Variants in ACTL8 observed in about 807,000 individuals in gnomAD.
The protein encoded by ACTL8 is actin-like protein 8.
In ACTL8, 3 loss-of-function variants were observed where a neutral mutation model predicts 9.3. The ratio of observed to expected loss-of-function variants is 0.32; its 90% CI spans 0.15 to 0.83. The LOEUF is 0.83. Among genes scored for constraint, ACTL8 ranks in the 40% least tolerant of loss-of-function variants. The pLI, the probability that ACTL8 is intolerant of heterozygous loss-of-function variation, is 0.57. For missense variants in ACTL8, 381 were observed against 492.2 expected (o/e 0.77, Z 2.14); for synonymous variants, 224 against 205.9 (o/e 1.09, Z -0.75).
intron 1 of ACTL8, among the ~76,000 whole-genome samples, chr1:17,765,116 G>A (rs962186084): frequency 6.6e-5 from 10 of 152,182 alleles, no homozygotes; most frequent in Non-Finnish European, 1.0e-4. Flanking sequence ...GGTGCTGGAC[G>A]CTTCCTTCTT....
At chr1:17,778,881 G>T (rs2066134098) in intron 1 of ACTL8, among the ~76,000 whole-genome samples, 1 of 152,146 alleles carries the variant, frequency 6.6e-6, no homozygotes, top group Non-Finnish European at 1.5e-5. Flanking sequence ...GCGATGAGTT[G>T]AAGAAGAGAT....
At chr1:17,818,349 A>C (rs575587014) in intron 1 of ACTL8, among the ~76,000 whole-genome samples, 1 of 152,072 alleles carries the variant, frequency 6.6e-6, no homozygotes, top group Non-Finnish European at 1.5e-5. Flanking sequence ...ACCTCCTGTA[A>C]TCTTTCTTCT....
In ACTL8 at chr1:17,757,711, C is replaced by T. The variant is rs142207036; in HGVS notation, c.-25+2207C>T. Among the ~76,000 whole-genome samples, 5 of 152,210 alleles carry T rather than the reference C, an allele frequency of 3.3e-5. No homozygotes were observed. The East Asian group carries it at 9.6e-4, about 29-fold the overall frequency. ...GACCTAGGAGGAAACAGAAAAAGAACGACAAGACTGGTGACATGTATGGGA... is the reference window on the plus strand; with the variant it reads ...GACCTAGGAGGAAACAGAAAAAGAATGACAAGACTGGTGACATGTATGGGA... On this transcript the variant is annotated intron_variant, in intron 1 of 2. Transcript: ENST00000375406.
chr1:17,804,384 C>A (rs1421771070), intron 1 of ACTL8, among the ~76,000 whole-genome samples: 3 of 152,144 alleles, frequency 2.0e-5, no homozygotes, highest in Admixed American at 6.5e-5. Context: ...CCTCCCTGAA[C>A]CTTCACTTTG....
Position 17,826,574 on chromosome 1 carries a change from A to G in ACTL8, c.*55A>G. On this transcript the variant is annotated 3_prime_UTR_variant, in exon 3 of 3. Coordinates refer to ENST00000375406, the MANE Select transcript of ACTL8 (RefSeq NM_030812.3). The surrounding 1 kb of genome is among the most constrained non-coding windows in gnomAD (Gnocchi z 4.5). Reference sequence around the variant, plus strand: ...CCTGTTAGATGGGCACGGGCGGATTAATTTTAGCAAAATGTTCTGGGTGGG... The same window carrying G: ...CCTGTTAGATGGGCACGGGCGGATTGATTTTAGCAAAATGTTCTGGGTGGG... The G allele has an allele frequency of 6.9e-7, 1 of 1,458,090 alleles. No homozygotes were observed. The highest frequency in any genetic ancestry group is 9.1e-7 in the Non-Finnish European group (1 of 1,098,488). The allele number at this position is 1,458,090 out of a possible 1,614,324, so 90.3% of individuals were successfully genotyped here.
intron 1 of ACTL8, among the ~76,000 whole-genome samples, chr1:17,794,092 A>G (rs1277331351): frequency 6.6e-6 from 1 of 152,154 alleles, no homozygotes; most frequent in Non-Finnish European, 1.5e-5. Flanking sequence ...GACGCCTCAC[A>G]ATCACCCTGT....
At chr1:17,797,680 G>A (rs1458392249) in intron 1 of ACTL8, among the ~76,000 whole-genome samples, 1 of 152,206 alleles carries the variant, frequency 6.6e-6, no homozygotes, top group East Asian at 1.9e-4. Context: ...ACAGGCCTGG[G>A]TGTGGCTCTG....
intron 1 of ACTL8, among the ~76,000 whole-genome samples, chr1:17,816,793 G>C (rs1346649160): frequency 9.2e-5 from 14 of 152,132 alleles, no homozygotes; most frequent in Admixed American, 9.2e-4. Context: ...TCTCTGACTG[G>C]CTCCCATTTC....
intron 1 of ACTL8, among the ~76,000 whole-genome samples, chr1:17,768,486 T>C (rs960204715): frequency 1.3e-5 from 2 of 152,070 alleles, no homozygotes; most frequent in South Asian, 2.1e-4. Context: ...GTACCTCCTG[T>C]ACCCTAGAAG....
At position 17,783,216 on chromosome 1, in the gene ACTL8, T is replaced by C. The variant is rs766974337; in HGVS notation, c.-25+27712T>C. Among the ~76,000 whole-genome samples, 11 of 152,238 alleles carry C rather than the reference T, an allele frequency of 7.2e-5. No individual in the cohort carries two copies. In the East Asian group the frequency reaches 1.5e-3, roughly 21 times the overall value. ...CCCCACCCAAATCTCATCTTGAATT[T>C]CCACATGTTGTGGGAGGGACCCAGT... On this transcript the variant is annotated intron_variant, in intron 1 of 2. Transcript: ENST00000375406.
chr1:17,806,911 C>T (rs144158211), intron 1 of ACTL8, among the ~76,000 whole-genome samples: 55 of 152,330 alleles, frequency 3.6e-4, no homozygotes, highest in Admixed American at 3.9e-4. Context: ...GCACGGGATG[C>T]GTCCCACTGG....
rs545621173 is a variant in ACTL8, at chr1:17,785,387, G to A, written c.-25+29883G>A. On this transcript the variant is annotated intron_variant, in intron 1 of 2. Coordinates refer to ENST00000375406, the MANE Select transcript of ACTL8 (RefSeq NM_030812.3). Reference sequence around the variant, plus strand: ...AACACTTGGTGAGCCATGTTGACTGGAAAGGTTCCATTCTGCAACATGTCT... The same window carrying A: ...AACACTTGGTGAGCCATGTTGACTGAAAAGGTTCCATTCTGCAACATGTCT... Among the ~76,000 whole-genome samples the A allele has an allele frequency of 4.6e-5, 7 of 152,340 alleles. No homozygotes were observed. In the South Asian group the frequency reaches 1.2e-3, roughly 27 times the overall value.
chr1:17,805,670 G>A (rs551102199), intron 1 of ACTL8, among the ~76,000 whole-genome samples: 18 of 152,192 alleles, frequency 1.2e-4, no homozygotes, highest in African/African-American at 4.3e-4. Flanking sequence ...GAGCCACTGC[G>A]TCCGGCCAAA....
intron 1 of ACTL8, among the ~76,000 whole-genome samples, chr1:17,765,365 C>G (rs1191194768): frequency 6.6e-6 from 1 of 152,146 alleles, no homozygotes; most frequent in African/African-American, 2.4e-5. Flanking sequence ...CGCACTGTCC[C>G]CCACTCCTTG....
At chr1:17,818,470 T>G (rs2066443764) in intron 1 of ACTL8, among the ~76,000 whole-genome samples, 1 of 152,226 alleles carries the variant, frequency 6.6e-6, no homozygotes, top group African/African-American at 2.4e-5. Flanking sequence ...TCTGCAAGCA[T>G]GATACAGAGG....
chr1:17,795,582 A>T (rs541026892), intron 1 of ACTL8, among the ~76,000 whole-genome samples: 92 of 152,034 alleles, frequency 6.1e-4, no homozygotes, highest in Non-Finnish European at 1.1e-3. Flanking sequence ...AAAAAAGAAA[A>T]CTCTTTAAGA....
chr1:17,819,787 T>G (rs2053634818), intron 1 of ACTL8, among the ~76,000 whole-genome samples: 1 of 152,134 alleles, frequency 6.6e-6, no homozygotes, highest in African/African-American at 2.4e-5. Context: ...TCCCAGCACT[T>G]TGGGAGGCCT....
chr1:17,822,467 G>A (rs2053671233), intron 1 of ACTL8, among the ~76,000 whole-genome samples: 1 of 152,114 alleles, frequency 6.6e-6, no homozygotes, highest in Non-Finnish European at 1.5e-5. Context: ...TCCAGAAAAT[G>A]GTCCCTGTAG....
intron 1 of ACTL8, among the ~76,000 whole-genome samples, chr1:17,760,349 C>A (rs1365190939): frequency 2.6e-5 from 4 of 152,150 alleles, no homozygotes; most frequent in African/African-American, 9.7e-5. Context: ...GCAGCTCAAA[C>A]TGGTGACTTG....
Sources: allele counts gnomAD v4.1 joint callset (sites outside exome capture counted in the v4.1 genomes callset), GRCh38; gene constraint gnomAD v4.1.1; non-coding constraint Gnocchi (gnomAD v3.1); transcripts MANE v1.5; gene names NCBI Gene and HGNC (gene_info 2026-07-23, HGNC 2026-07-21).